KCNQ5: variants seen among roughly 807,000 people sequenced by gnomAD.
The protein encoded by KCNQ5 is potassium voltage-gated channel subfamily KQT member 5.
A neutral mutation model predicts 98.2 loss-of-function variants in KCNQ5; 30 were observed. That is an observed-to-expected ratio of 0.31 (90% CI 0.23 to 0.41). The LOEUF (loss-of-function observed/expected upper bound fraction) is 0.41. Among genes scored for constraint, KCNQ5 ranks in the 10% least tolerant of loss-of-function variants. The pLI is 1.00. For missense variants in KCNQ5, 835 were observed against 1,182.5 expected (o/e 0.71, Z 4.31); for synonymous variants, 458 against 449.4 (o/e 1.02, Z -0.24).
intron 3 of KCNQ5, among the ~76,000 whole-genome samples, chr6:73,072,263 C>T (rs1383589797): frequency 1.3e-5 from 2 of 152,178 alleles, no homozygotes; most frequent in Non-Finnish European, 2.9e-5. Context: ...TTACTTACCT[C>T]GAGAGGGTTT....
At position 72,686,269 on chromosome 6, in the gene KCNQ5, A is replaced by G. The variant is rs187508454; in HGVS notation, c.398+63682A>G. On this transcript the variant is annotated intron_variant, in intron 1 of 13. Transcript: ENST00000370398. ...ATAGGGTCCTACCCGTTTCCAATATAAGAAAGAGTAAGACTTTGAACCTTG... is the reference window on the plus strand; with the variant it reads ...ATAGGGTCCTACCCGTTTCCAATATGAGAAAGAGTAAGACTTTGAACCTTG... Among the ~76,000 whole-genome samples, 523 of 152,312 alleles carry G rather than the reference A, an allele frequency of 3.4e-3. 3 individuals carry two copies. The highest frequency in any genetic ancestry group is 0.012 in the African/African-American group (501 of 41,568).
At chr6:73,089,848 A>G (rs7761599) in intron 5 of KCNQ5, among the ~76,000 whole-genome samples, 134,295 of 152,124 alleles carry the variant, frequency 0.88, 59,763 homozygotes, top group South Asian at 0.96. Flanking sequence ...ACATTTTTGC[A>G]ATTGTGAATT....
intron 1 of KCNQ5, among the ~76,000 whole-genome samples, chr6:72,976,013 T>C (rs1241650072): frequency 2.0e-5 from 3 of 152,214 alleles, no homozygotes; most frequent in African/African-American, 7.2e-5. Flanking sequence ...TCATAATTGA[T>C]TTTTATTAGC....
intron 1 of KCNQ5, among the ~76,000 whole-genome samples, chr6:72,895,900 G>T (rs1000363479): frequency 2.0e-5 from 3 of 151,926 alleles, no homozygotes; most frequent in Admixed American, 1.3e-4. Context: ...TCCAGAAAAT[G>T]AAGTTACTTA....
At chr6:72,716,763 G>C (rs1348116146) in intron 1 of KCNQ5, among the ~76,000 whole-genome samples, 1 of 152,216 alleles carries the variant, frequency 6.6e-6, no homozygotes, top group Non-Finnish European at 1.5e-5. Context: ...TGAGATAAGA[G>C]AGAAGATTGT....
intron 1 of KCNQ5, among the ~76,000 whole-genome samples, chr6:72,711,921 C>G (rs1322407530): frequency 6.6e-6 from 1 of 152,136 alleles, no homozygotes; most frequent in African/African-American, 2.4e-5. Flanking sequence ...TCTGAAACAT[C>G]CAAGTGGAGA....
At chr6:73,052,116 C>A (rs926676402) in intron 3 of KCNQ5, among the ~76,000 whole-genome samples, 1 of 152,122 alleles carries the variant, frequency 6.6e-6, no homozygotes, top group Non-Finnish European at 1.5e-5. Flanking sequence ...ACAGCAGAAT[C>A]GATCAAGCTG....
intron 1 of KCNQ5, among the ~76,000 whole-genome samples, chr6:72,734,124 A>G (rs949891081): frequency 3.9e-5 from 6 of 152,220 alleles, no homozygotes; most frequent in Admixed American, 3.3e-4. Flanking sequence ...GATCTTGTTG[A>G]TATTTAAAAA....
At chr6:72,795,179 G>A (rs1041563972) in intron 1 of KCNQ5, among the ~76,000 whole-genome samples, 1 of 152,156 alleles carries the variant, frequency 6.6e-6, no homozygotes, top group Admixed American at 6.5e-5. Flanking sequence ...GGGAGTGCGT[G>A]TCTTATTGAA....
At chr6:72,747,357 A>AT (rs1771457059) in intron 1 of KCNQ5, among the ~76,000 whole-genome samples, 1 of 152,032 alleles carries the variant, frequency 6.6e-6, no homozygotes, top group South Asian at 2.1e-4. Context: ...CTATATACTC[A>AT]TTTTTCCTTG....
rs113512098 is a variant in KCNQ5, at chr6:72,672,290, G to A, written c.398+49703G>A. On this transcript the variant is annotated intron_variant, in intron 1 of 13. Transcript: ENST00000370398. The stretch of plus-strand genomic sequence containing the variant: ...TTTTTGTAATTTTTGTAGAGACGGA[G>A]TTTCGCCATGTTGGGCAGACTTGTC... Among the ~76,000 whole-genome samples, 1,478 of 152,068 alleles carry A rather than the reference G, an allele frequency of 9.7e-3. 25 individuals are homozygous for A. The highest frequency in any genetic ancestry group is 0.034 in the African/African-American group (1,398 of 41,478).
chr6:72,681,185 G>A (rs1239680034), intron 1 of KCNQ5, among the ~76,000 whole-genome samples: 2 of 152,218 alleles, frequency 1.3e-5, no homozygotes, highest in Admixed American at 6.5e-5. Flanking sequence ...CATTGAGGAC[G>A]TGAGAAGAAA....
chr6:72,738,626 A>G (rs977887862), intron 1 of KCNQ5, among the ~76,000 whole-genome samples: 1 of 152,154 alleles, frequency 6.6e-6, no homozygotes, highest in Non-Finnish European at 1.5e-5. Context: ...TATAGAAAAA[A>G]AAATTTAAGA....
chr6:73,124,614 A>G (rs948138485), intron 9 of KCNQ5, 102 bp downstream of exon 9: 2 of 1,071,664 alleles, frequency 1.9e-6, no homozygotes, highest in African/African-American at 3.1e-5. Flanking sequence ...CAAATACAAG[A>G]TGATTAAAAG....
At chr6:72,936,642 A>G (rs1765930634) in intron 1 of KCNQ5, among the ~76,000 whole-genome samples, 1 of 152,230 alleles carries the variant, frequency 6.6e-6, no homozygotes, top group African/African-American at 2.4e-5. Context: ...AATCTCTTAC[A>G]ACTGAAATTA....
intron 3 of KCNQ5, chr6:73,055,194 C>A (rs1772421192): frequency 5.2e-6 from 5 of 953,576 alleles, no homozygotes; most frequent in East Asian, 2.4e-5. Flanking sequence ...CTGAGCCCAG[C>A]GGGCCATGAG....
At chr6:72,829,978 T>A (rs1399321390) in intron 1 of KCNQ5, among the ~76,000 whole-genome samples, 5 of 152,062 alleles carry the variant, frequency 3.3e-5, no homozygotes, top group Admixed American at 6.6e-5. Context: ...GAATTCCCAT[T>A]CACAATTGCT....
intron 1 of KCNQ5, among the ~76,000 whole-genome samples, chr6:72,862,117 T>C (rs1019257229): frequency 6.6e-6 from 1 of 152,182 alleles, no homozygotes; most frequent in Non-Finnish European, 1.5e-5. Flanking sequence ...ACTCCTGTCC[T>C]TCTGCCCCAA....
At chr6:72,962,688 CTG>C (rs1767433510) in intron 1 of KCNQ5, among the ~76,000 whole-genome samples, 1 of 152,116 alleles carries the variant, frequency 6.6e-6, no homozygotes, top group Non-Finnish European at 1.5e-5. Context: ...AATTTATAGA[CTG>C]TGTGGCAGCA....
Sources: allele counts gnomAD v4.1 joint callset (sites outside exome capture counted in the v4.1 genomes callset), GRCh38; gene constraint gnomAD v4.1.1; transcripts MANE v1.5; gene names NCBI Gene and HGNC (gene_info 2026-07-23, HGNC 2026-07-21).